Variants in TCERG1L observed in about 807,000 individuals in gnomAD.
The protein encoded by TCERG1L is transcription elongation regulator 1-like protein.
A neutral mutation model predicts 56.3 loss-of-function variants in TCERG1L; 37 were observed. The ratio of observed to expected loss-of-function variants is 0.66; its 90% CI spans 0.51 to 0.87. TCERG1L has a LOEUF of 0.87. TCERG1L is among the 40% of genes least tolerant of loss of function. The probability of loss-of-function intolerance (pLI) is 0.00; values close to 1 mark genes in which losing one functional copy is unlikely to be tolerated. For synonymous variants in TCERG1L, 324 were observed against 326.3 expected, an observed-to-expected ratio of 0.99 and a Z score of 0.08; for missense variants, 799 against 774.2, an observed-to-expected ratio of 1.03 and a Z score of -0.38.
intron 4 of TCERG1L, among the ~76,000 whole-genome samples, chr10:131,230,791 G>A (rs73396498): frequency 0.049 from 7,434 of 152,270 alleles, 401 homozygotes; most frequent in East Asian, 0.23. Context: ...TGAGCTCCAT[G>A]TGCCAAGGGG....
intron 8 of TCERG1L, among the ~76,000 whole-genome samples, chr10:131,123,966 G>A (rs925076484): frequency 6.6e-6 from 1 of 152,140 alleles, no homozygotes; most frequent in Non-Finnish European, 1.5e-5. Flanking sequence ...AGTGGGTGGA[G>A]GCCACCTGGA....
intron 7 of TCERG1L, among the ~76,000 whole-genome samples, chr10:131,142,801 AT>A (rs1845753139): frequency 6.6e-6 from 1 of 152,190 alleles, no homozygotes; most frequent in African/African-American, 2.4e-5. Flanking sequence ...GCCCCCCACC[AT>A]TCCCAAGCAA....
chr10:131,142,348 T>C (rs1196284738), intron 7 of TCERG1L, among the ~76,000 whole-genome samples: 1 of 152,212 alleles, frequency 6.6e-6, no homozygotes, highest in Non-Finnish European at 1.5e-5. Flanking sequence ...CCCGGCTGCC[T>C]GGGCCCCTGG....
At chr10:131,159,443 C>T (rs953642873) in intron 6 of TCERG1L, among the ~76,000 whole-genome samples, 8 of 152,126 alleles carry the variant, frequency 5.3e-5, no homozygotes, top group Admixed American at 1.3e-4. Context: ...AAGTTCACGG[C>T]GGCCACAGTC....
intron 9 of TCERG1L, among the ~76,000 whole-genome samples, chr10:131,108,916 C>T (rs1432527784): frequency 1.3e-5 from 2 of 152,216 alleles, no homozygotes; most frequent in African/African-American, 2.4e-5. Flanking sequence ...TGCCCCAGGG[C>T]CCCCACAGTG....
Position 131,101,907 on chromosome 10 carries a change from G to A in TCERG1L, c.1485+2358C>T, listed in dbSNP as rs191681402. Among the ~76,000 whole-genome samples the A allele has an allele frequency of 4.1e-3, 614 of 149,758 alleles. 3 individuals carry two copies. Among genetic ancestry groups the A allele is most frequent in the African/African-American group, 0.014 (587 of 40,614 alleles). On this transcript the variant is annotated intron_variant, in intron 10 of 11. Coordinates refer to ENST00000368642, the MANE Select transcript of TCERG1L (RefSeq NM_174937.4). ...AGTAAAGACAGGGTTTTGCCATGTT[G>A]TCCAGGCTGGTCTGGAACTCCTGAC...
chr10:131,171,192 A>AAAGG (rs138279990), intron 4 of TCERG1L, among the ~76,000 whole-genome samples: 96 of 147,702 alleles, frequency 6.5e-4, no homozygotes, highest in South Asian at 1.1e-3. Context: ...AAAAAAGAAG[A>AAAGG]AAGAAAAAAA....
intron 3 of TCERG1L, among the ~76,000 whole-genome samples, chr10:131,303,978 G>C (rs1846794436): frequency 6.6e-6 from 1 of 152,006 alleles, no homozygotes; most frequent in Non-Finnish European, 1.5e-5. Context: ...TTGAGAAAAT[G>C]AATCTTTGAT....
chr10:131,106,122 A>C (rs1334297648), intron 9 of TCERG1L, among the ~76,000 whole-genome samples: 1 of 152,224 alleles, frequency 6.6e-6, no homozygotes, highest in African/African-American at 2.4e-5. Context: ...AGACTCTCTC[A>C]GCTGACAAAG....
At chr10:131,108,050 C>T (rs1247986600) in intron 9 of TCERG1L, among the ~76,000 whole-genome samples, 8 of 151,998 alleles carry the variant, frequency 5.3e-5, no homozygotes, top group African/African-American at 9.7e-5. Flanking sequence ...GAAGAAAGCC[C>T]GTCAACTGAG....
At chr10:131,098,215 C>T (rs1845268731) in intron 11 of TCERG1L, 91 bp downstream of exon 11, 1 of 1,364,518 alleles carries the variant, frequency 7.3e-7, no homozygotes, top group African/African-American at 1.5e-5. Flanking sequence ...GGCTGGGTTA[C>T]ACGATTTAAC....
intron 10 of TCERG1L, among the ~76,000 whole-genome samples, chr10:131,102,763 C>T (rs1451184094): frequency 6.6e-6 from 1 of 152,156 alleles, no homozygotes; most frequent in Non-Finnish European, 1.5e-5. Flanking sequence ...AAGTCCGGAC[C>T]TTCCAGAGTC....
chr10:131,223,829 ACCCTCCCCTGG>A (rs1758688235), intron 4 of TCERG1L, among the ~76,000 whole-genome samples: 1 of 151,306 alleles, frequency 6.6e-6, no homozygotes, highest in East Asian at 2.0e-4. Context: ...GCACCCACGA[ACCCTCCCCTGG>A]CCCTCCCCCT....
At chr10:131,182,451 G>A (rs1377219918) in intron 4 of TCERG1L, among the ~76,000 whole-genome samples, 2 of 152,226 alleles carry the variant, frequency 1.3e-5, no homozygotes, top group African/African-American at 4.8e-5. Context: ...CTCTTTGATA[G>A]AAATCAGGAT....
At chr10:131,234,358 CA>C (rs1564821978) in intron 4 of TCERG1L, among the ~76,000 whole-genome samples, 1 of 152,168 alleles carries the variant, frequency 6.6e-6, no homozygotes, top group African/African-American at 2.4e-5. Context: ...ATTGCTATTA[CA>C]AATAATATTT....
At chr10:131,210,891 G>A (rs918946995) in intron 4 of TCERG1L, among the ~76,000 whole-genome samples, 4 of 152,272 alleles carry the variant, frequency 2.6e-5, no homozygotes, top group Admixed American at 6.5e-5. Flanking sequence ...GCAAGCCACC[G>A]AAACAGCAAG....
At chr10:131,307,181 C>T (rs1474759814) in intron 3 of TCERG1L, among the ~76,000 whole-genome samples, 6 of 152,110 alleles carry the variant, frequency 3.9e-5, no homozygotes, top group Non-Finnish European at 7.4e-5. Flanking sequence ...TAAATGTGTG[C>T]ATGTACCATG....
intron 4 of TCERG1L, among the ~76,000 whole-genome samples, chr10:131,200,426 C>A (rs1202737760): frequency 6.6e-6 from 1 of 152,232 alleles, no homozygotes; most frequent in African/African-American, 2.4e-5. Context: ...GAAGGTGATT[C>A]TCAAACCTCG....
chr10:131,258,718 G>C (rs1846201998), intron 4 of TCERG1L, among the ~76,000 whole-genome samples: 2 of 152,282 alleles, frequency 1.3e-5, no homozygotes, highest in African/African-American at 4.8e-5. Flanking sequence ...AGATAACGTT[G>C]GTGCTGGCCT....
Sources: gnomAD v4.1 joint callset for allele counts (sites outside exome capture counted in the v4.1 genomes callset) on GRCh38, gnomAD v4.1.1 for gene constraint, MANE v1.5 for transcripts, NCBI Gene and HGNC (gene_info 2026-07-23, HGNC 2026-07-21) for gene names.